The following TNRC6B variants were observed in gnomAD, a reference collection of about 807,000 sequenced individuals.
The protein encoded by TNRC6B is trinucleotide repeat-containing gene 6B protein.
Under a neutral mutation model 203.6 loss-of-function variants are expected in TNRC6B, and 52 were observed. The observed-to-expected ratio is 0.26, with a 90% CI of 0.20 to 0.32. The LOEUF (loss-of-function observed/expected upper bound fraction) is 0.32. TNRC6B is among the 10% of genes least tolerant of loss of function. The probability of loss-of-function intolerance (pLI) is 1.00; values close to 1 mark genes in which losing one functional copy is unlikely to be tolerated. For missense variants in TNRC6B, 1,923 were observed against 2,286.2 expected, an observed-to-expected ratio of 0.84 and a Z score of 3.24; for synonymous variants, 838 against 845.7, an observed-to-expected ratio of 0.99 and a Z score of 0.16.
In TNRC6B at chr22:40,324,478, G is replaced by A. The variant is rs947075123; in HGVS notation, c.*1237G>A. ...TTTGAGAAATTCTTCAAAAAATTAG[G>A]TGAAGTTGAGTTACATATTTCTGTT... On this transcript the variant is annotated 3_prime_UTR_variant, in exon 23 of 23. Coordinates refer to ENST00000454349, the MANE Select transcript of TNRC6B (RefSeq NM_001162501.2). 1.3e-5 allele frequency: 2 copies of A among 152,550 alleles called. No homozygotes were observed. The highest frequency in any genetic ancestry group is 1.3e-4 in the Admixed American group (2 of 15,274). 9.4% of individuals were successfully genotyped at this position (152,550 alleles called of 1,614,324 possible).
intron 1 of TNRC6B, chr22:40,107,067 G>T: frequency 2.6e-6 from 2 of 772,854 alleles, no homozygotes; most frequent in Non-Finnish European, 4.3e-6. Flanking sequence ...ACCCTCCGTG[G>T]TTCCAGCCGG....
chr22:40,319,266 G>T, intron 21 of TNRC6B, among the ~76,000 whole-genome samples: 2 of 147,450 alleles, frequency 1.4e-5, no homozygotes. Context: ...CCCCATCTCT[G>T]AATTTAAAAA....
At chr22:40,277,942 T>A in intron 8 of TNRC6B, 57 bp from the exon 9 acceptor site, 3 of 1,365,164 alleles carry the variant, frequency 2.2e-6, no homozygotes, top group East Asian at 5.0e-5. Flanking sequence ...TAATGCCACT[T>A]CTTTGATTCA....
At chr22:40,212,148 T>C (rs2069573033) in intron 1 of TNRC6B, among the ~76,000 whole-genome samples, 1 of 152,238 alleles carries the variant, frequency 6.6e-6, no homozygotes, top group South Asian at 2.1e-4. Flanking sequence ...TACTTAGTTG[T>C]ACTTAAGGCT....
At chr22:40,173,486 T>TAA (rs2069023743), upstream of TNRC6B, among the ~76,000 whole-genome samples, 1 of 150,376 alleles carries the variant, frequency 6.6e-6, no homozygotes, top group Admixed American at 6.7e-5. Flanking sequence ...GATATATATA[T>TAA]AATCTGTCAC....
intron 15 of TNRC6B, among the ~76,000 whole-genome samples, chr22:40,307,601 C>T (rs1387744812): frequency 2.0e-5 from 3 of 152,088 alleles, no homozygotes. Context: ...TCCAGCTCTC[C>T]AGCTCTGTGC....
intron 1 of TNRC6B, among the ~76,000 whole-genome samples, chr22:40,104,929 T>C (rs1435901224): frequency 2.0e-5 from 3 of 152,206 alleles, no homozygotes; most frequent in Non-Finnish European, 4.4e-5. Context: ...TCAGTCTGGC[T>C]CTGGAGTCTG....
intron 22 of TNRC6B, chr22:40,321,657 A>G: frequency 6.0e-6 from 1 of 166,984 alleles, no homozygotes; most frequent in East Asian, 1.6e-4. Flanking sequence ...GTGGGGGCGC[A>G]TGCCTGTAGT....
At position 40,126,590 on chromosome 22, in the gene TNRC6B, T is replaced by A. The variant is rs927035737; in HGVS notation, c.45+728T>A. On this transcript the variant is annotated intron_variant, in intron 3 of 23. Coordinates refer to the TNRC6B transcript ENST00000301923. ...AAAGGACGTTATTTAATTTTTTTTT[T>A]TTTTTTTTTTTTTTTTTTTAGACTG... is the stretch of plus-strand genomic sequence containing the variant. Among the ~76,000 whole-genome samples, 154 of 132,870 alleles carry A rather than the reference T, an allele frequency of 1.2e-3. 1 individual carries two copies. Among genetic ancestry groups the A allele is most frequent in the African/African-American group, 4.7e-3 (148 of 31,664 alleles). The allele number at this position is 132,870 out of a possible 152,430, so 87.2% of individuals were successfully genotyped here. A position where few individuals can be genotyped will look rare whatever the true frequency, so the allele number is the denominator to read the frequency against.
intron 12 of TNRC6B, among the ~76,000 whole-genome samples, chr22:40,291,230 C>CA (rs1017378575): frequency 1.3e-5 from 2 of 151,922 alleles, no homozygotes; most frequent in African/African-American, 4.8e-5. Context: ...AACAGAAATA[C>CA]AAAAAATTAG....
At chr22:40,075,042 G>A (rs2067994084) in intron 1 of TNRC6B, among the ~76,000 whole-genome samples, 1 of 149,610 alleles carries the variant, frequency 6.7e-6, no homozygotes, top group Admixed American at 6.7e-5. Context: ...TTTGTGAATA[G>A]TTCTATGTGT....
rs1327788356 is a variant in TNRC6B, at chr22:40,265,812, C to T, written c.1582C>T (p.Pro528Ser). 2 of 1,613,920 alleles carry T rather than the reference C, an allele frequency of 1.2e-6. No individual in the cohort carries two copies. Among genetic ancestry groups the T allele is most frequent in the Non-Finnish European group, 1.7e-6 (2 of 1,179,886 alleles). The part of the protein sequence containing the change: ...DELKIGEWSG[P>S]NQPNSSTGAW... ...GTTGAAAATTGGAGAATGGAGTGGT[C>T]CAAACCAACCAAATTCTAGCACTGG... The change falls in exon 5 of 23, where the codon CCA becomes TCA. Residue 528 changes from proline to serine, a missense_variant. Coordinates refer to ENST00000454349, the MANE Select transcript of TNRC6B (RefSeq NM_001162501.2).
At chr22:40,098,665 T>A (rs2068207525) in intron 1 of TNRC6B, among the ~76,000 whole-genome samples, 1 of 152,172 alleles carries the variant, frequency 6.6e-6, no homozygotes, top group Non-Finnish European at 1.5e-5. Context: ...CTTCCTCAAT[T>A]CAAGATTATA....
chr22:40,089,766 C>T (rs1359658980), intron 1 of TNRC6B, among the ~76,000 whole-genome samples: 1 of 152,118 alleles, frequency 6.6e-6, no homozygotes, highest in Non-Finnish European at 1.5e-5. Context: ...TGGGTTTGGA[C>T]AAATGTATGA....
chr22:40,061,318 G>A (rs367833157), intron 1 of TNRC6B, among the ~76,000 whole-genome samples: 1 of 152,030 alleles, frequency 6.6e-6, no homozygotes, highest in African/African-American at 2.4e-5. Flanking sequence ...AGGTTCAAGC[G>A]ATTCTCCAGC....
chr22:40,240,687 C>T (rs551157875), intron 1 of TNRC6B, among the ~76,000 whole-genome samples: 3 of 152,326 alleles, frequency 2.0e-5, no homozygotes, highest in South Asian at 4.1e-4. Context: ...AGTTTTACAT[C>T]TGGCTGTATA....
intron 11 of TNRC6B, 54 bp from the exon 12 acceptor site, chr22:40,285,587 TCTTA>T: frequency 6.3e-7 from 1 of 1,581,554 alleles, no homozygotes; most frequent in Non-Finnish European, 8.6e-7. Context: ...CAGAACTGTT[TCTTA>T]CTTGCATTTT....
At chr22:40,318,212 G>A (rs959733573) in intron 21 of TNRC6B, among the ~76,000 whole-genome samples, 6 of 152,146 alleles carry the variant, frequency 3.9e-5, no homozygotes, top group African/African-American at 1.4e-4. Context: ...GGGAGAGTGT[G>A]GGTCAGCTCT....
At chr22:40,068,272 AT>A (rs1188350159) in intron 1 of TNRC6B, among the ~76,000 whole-genome samples, 1 of 152,184 alleles carries the variant, frequency 6.6e-6, no homozygotes, top group African/African-American at 2.4e-5. Flanking sequence ...AGTGAACCTT[AT>A]AGTAGATAGA....
Sources: allele counts gnomAD v4.1 joint callset (sites outside exome capture counted in the v4.1 genomes callset), GRCh38; gene constraint gnomAD v4.1.1; transcripts MANE v1.5; gene names NCBI Gene and HGNC (gene_info 2026-07-23, HGNC 2026-07-21).